The following GALNT16 variants were observed in gnomAD, a reference collection of about 807,000 sequenced individuals.
GALNT16 encodes polypeptide N-acetylgalactosaminyltransferase 16, also known as UDP-GalNAc:polypeptide N-acetylgalactosaminyltransferase-like protein 1.
Under a neutral mutation model 76.1 loss-of-function variants are expected in GALNT16, and 40 were observed. The ratio of observed to expected loss-of-function variants is 0.53; its 90% confidence interval spans 0.41 to 0.68. The LOEUF (loss-of-function observed/expected upper bound fraction) is 0.68, where lower values mean the gene tolerates loss of function less well. GALNT16 is among the 30% of genes least tolerant of loss of function. The pLI is 0.00. For missense variants in GALNT16, 621 were observed against 731.9 expected, an observed-to-expected ratio of 0.85 and a Z score of 1.75; for synonymous variants, 276 against 285.2, an observed-to-expected ratio of 0.97 and a Z score of 0.32.
chr14:69,263,703 C>T (rs1051340043), intron 1 of GALNT16, among the ~76,000 whole-genome samples: 35 of 152,214 alleles, frequency 2.3e-4, no homozygotes, highest in Non-Finnish European at 3.8e-4. Flanking sequence ...GTCGGCATGG[C>T]AACCGTATGG....
chr14:69,292,457 T>G (rs1311227217), intron 1 of GALNT16, among the ~76,000 whole-genome samples: 1 of 152,120 alleles, frequency 6.6e-6, no homozygotes, highest in Non-Finnish European at 1.5e-5. Flanking sequence ...GGAATGGGAG[T>G]GCCATCCCAG....
intron 1 of GALNT16, among the ~76,000 whole-genome samples, chr14:69,303,848 C>T (rs904342412): frequency 2.6e-5 from 4 of 151,968 alleles, no homozygotes; most frequent in African/African-American, 9.7e-5. Flanking sequence ...TTCTTGATTT[C>T]AGAGGTATAA....
intron 1 of GALNT16, among the ~76,000 whole-genome samples, chr14:69,298,959 A>T (rs1289310843): frequency 6.6e-6 from 1 of 152,264 alleles, no homozygotes; most frequent in East Asian, 1.9e-4. Context: ...GAGGCCTTGC[A>T]CTTCTGCTCC....
the GALNT16 span, among the ~76,000 whole-genome samples, chr14:69,382,600 G>C: frequency 6.6e-6 from 1 of 151,876 alleles, no homozygotes. Flanking sequence ...TTGGGAGGCT[G>C]AGGCAGGCGG....
chr14:69,312,102 T>C (rs2058264673), intron 1 of GALNT16, among the ~76,000 whole-genome samples: 1 of 151,184 alleles, frequency 6.6e-6, no homozygotes, highest in Non-Finnish European at 1.5e-5. Context: ...TCTATCTATC[T>C]ATATCTATCT....
chr14:69,373,223 C>A, the GALNT16 span, among the ~76,000 whole-genome samples: 1 of 152,224 alleles, frequency 6.6e-6, no homozygotes, highest in South Asian at 2.1e-4. Flanking sequence ...AGGTACTCCA[C>A]AACAAATGCT....
At chr14:69,316,851 T>C (rs1455445323) in intron 1 of GALNT16, among the ~76,000 whole-genome samples, 1 of 152,146 alleles carries the variant, frequency 6.6e-6, no homozygotes, top group African/African-American at 2.4e-5. Context: ...CATTTGATTA[T>C]AGGTCCTTTG....
intron 1 of GALNT16, among the ~76,000 whole-genome samples, chr14:69,286,427 C>T (rs1006264146): frequency 2.6e-5 from 4 of 152,034 alleles, no homozygotes; most frequent in African/African-American, 4.8e-5. Flanking sequence ...CCTCAGCCTC[C>T]GGAGTAGCTG....
chr14:69,309,404 G>A (rs1186064319), intron 1 of GALNT16, among the ~76,000 whole-genome samples: 1 of 151,758 alleles, frequency 6.6e-6, no homozygotes, highest in Non-Finnish European at 1.5e-5. Context: ...CTGGGCTCCA[G>A]TGATCCTCCT....
chr14:69,334,559 G>A (rs2045394089), intron 9 of GALNT16, among the ~76,000 whole-genome samples: 1 of 152,190 alleles, frequency 6.6e-6, no homozygotes. Flanking sequence ...AGGATAGAGG[G>A]AACCATAGGG....
At chr14:69,385,572 T>TA in the GALNT16 span, among the ~76,000 whole-genome samples, 3 of 149,670 alleles carry the variant, frequency 2.0e-5, no homozygotes, top group South Asian at 2.1e-4. Context: ...TTTTCCCACT[T>TA]AAAAAAAAGC....
chr14:69,287,923 G>T (rs1414748730), intron 1 of GALNT16, among the ~76,000 whole-genome samples: 1 of 152,160 alleles, frequency 6.6e-6, no homozygotes, highest in African/African-American at 2.4e-5. Context: ...TAATTCTGAG[G>T]ACTCAGAGAA....
chr14:69,283,501 C>A (rs1045350988), intron 1 of GALNT16, among the ~76,000 whole-genome samples: 8 of 152,160 alleles, frequency 5.3e-5, no homozygotes, highest in African/African-American at 1.9e-4. Context: ...AGTCCTGACT[C>A]TTGGGCTCAG....
intron 1 of GALNT16, among the ~76,000 whole-genome samples, chr14:69,305,344 G>A (rs181885729): frequency 1.3e-5 from 2 of 152,084 alleles, no homozygotes; most frequent in Non-Finnish European, 1.5e-5. Flanking sequence ...TGTATTTTGT[G>A]TAGAGACAGG....
Position 69,347,865 on chromosome 14 carries a change from C to T in GALNT16, c.1414-12C>T, listed in dbSNP as rs753417838. 6.2e-7 allele frequency: 1 copy of T among 1,612,568 alleles called. No individual in the cohort carries two copies. Among genetic ancestry groups the T allele is most frequent in the Non-Finnish European group, 8.5e-7 (1 of 1,179,946 alleles). ...ACTTTTTGACTTGGCCTTTCTGCTC[C>T]CTGCCTTGCAGGCATGGCTGTTCAG... On this transcript the variant is annotated splice_polypyrimidine_tract_variant and intron_variant, in intron 13 of 14. Coordinates refer to ENST00000448469, the MANE Select transcript of GALNT16 (RefSeq NM_001168368.2).
chr14:69,301,588 C>T (rs1169220998), intron 1 of GALNT16, among the ~76,000 whole-genome samples: 2 of 152,122 alleles, frequency 1.3e-5, no homozygotes, highest in Non-Finnish European at 2.9e-5. Context: ...ACTCGCCTGC[C>T]TCAGCCTCCC....
chr14:69,304,644 C>T (rs2044905403), intron 1 of GALNT16, among the ~76,000 whole-genome samples: 2 of 152,128 alleles, frequency 1.3e-5, no homozygotes, highest in South Asian at 4.1e-4. Flanking sequence ...CCCTGGCAAC[C>T]ATGAATCTGA....
intron 2 of GALNT16, among the ~76,000 whole-genome samples, chr14:69,321,361 C>T (rs2045180488): frequency 6.6e-6 from 1 of 152,152 alleles, no homozygotes; most frequent in Non-Finnish European, 1.5e-5. Context: ...GTGGGAGAGG[C>T]CTTAGACCAG....
chr14:69,328,624 T>C (rs547543538), intron 6 of GALNT16, 53 bp downstream of exon 6: 26 of 1,579,194 alleles, frequency 1.6e-5, no homozygotes, highest in Admixed American at 1.4e-4. Context: ...AGCCACTACG[T>C]TCCTGGCACC....
Sources: gnomAD v4.1 joint callset for allele counts (sites outside exome capture counted in the v4.1 genomes callset) on GRCh38, gnomAD v4.1.1 for gene constraint, MANE v1.5 for transcripts, NCBI Gene and HGNC (gene_info 2026-07-23, HGNC 2026-07-21) for gene names.